NEGR1: variants seen among roughly 807,000 people sequenced by gnomAD.
NEGR1 encodes IgLON family member 4.
NEGR1 carries 10 observed loss-of-function variants against 40.9 expected under a neutral mutation model. The observed-to-expected ratio is 0.24, with a 90% CI of 0.15 to 0.42. The LOEUF is 0.42. Among genes scored for constraint, NEGR1 ranks in the 10% least tolerant of loss-of-function variants. The probability of loss-of-function intolerance (pLI) is 1.00; values close to 1 mark genes in which losing one functional copy is unlikely to be tolerated. For missense variants in NEGR1, 352 were observed against 438.9 expected (o/e 0.80, Z 1.77); for synonymous variants, 185 against 166.8 (o/e 1.11, Z -0.84).
intron 3 of NEGR1, among the ~76,000 whole-genome samples, chr1:71,699,511 T>G (rs1263822411): frequency 6.6e-6 from 1 of 151,902 alleles, no homozygotes; most frequent in Non-Finnish European, 1.5e-5. Flanking sequence ...ACGAAGATAC[T>G]CTAGGCTTAA....
At chr1:72,007,602 G>C (rs1048461030) in intron 1 of NEGR1, among the ~76,000 whole-genome samples, 10 of 152,086 alleles carry the variant, frequency 6.6e-5, no homozygotes, top group Admixed American at 6.6e-4. Flanking sequence ...GTACTGGAAA[G>C]AGTACGAAGA....
chr1:71,916,293 G>A (rs1570498070), intron 2 of NEGR1, among the ~76,000 whole-genome samples: 1 of 152,224 alleles, frequency 6.6e-6, no homozygotes, highest in Non-Finnish European at 1.5e-5. Context: ...AGTATGATGA[G>A]TCTTATCAGA....
chr1:71,859,709 A>T (rs564260266), intron 2 of NEGR1, among the ~76,000 whole-genome samples: 3 of 152,170 alleles, frequency 2.0e-5, no homozygotes, highest in African/African-American at 7.2e-5. Context: ...ACCTCCTGTC[A>T]GCTTCTTGCC....
rs1334640678 is a variant in NEGR1 at position 72,196,339 on chromosome 1, A to G, written c.176+85980T>C. ...CATTTCTGTGCCAAGCATTTCAGAT[A>G]AGAGATTTTCAACATGAATTTGTTT... On this transcript the variant is annotated intron_variant, in intron 1 of 6. Transcript: ENST00000357731. Among the ~76,000 whole-genome samples, 4 of 152,252 alleles carry G rather than the reference A, an allele frequency of 2.6e-5. No individual in the cohort carries two copies. The South Asian group carries it at 6.2e-4, about 24-fold the overall frequency.
intron 4 of NEGR1, among the ~76,000 whole-genome samples, chr1:71,682,186 A>T (rs1461806980): frequency 6.6e-6 from 1 of 151,888 alleles, no homozygotes; most frequent in Non-Finnish European, 1.5e-5. Context: ...CTTTAGTTAT[A>T]TCTAACACAT....
intron 1 of NEGR1, among the ~76,000 whole-genome samples, chr1:72,229,535 A>C (rs1260442623): frequency 1.3e-5 from 2 of 150,002 alleles, no homozygotes; most frequent in African/African-American, 4.9e-5. Context: ...AACAGCATTC[A>C]AGTCTTGGCA....
At chr1:71,515,094 CT>C (rs1305163165) in intron 6 of NEGR1, among the ~76,000 whole-genome samples, 28 of 66,586 alleles carry the variant, frequency 4.2e-4, no homozygotes, top group Non-Finnish European at 5.7e-4. Context: ...AAATCTATGT[CT>C]GACTGGTGTA....
At chr1:71,551,971 C>A (rs547839461) in intron 6 of NEGR1, among the ~76,000 whole-genome samples, 4 of 151,226 alleles carry the variant, frequency 2.6e-5, no homozygotes, top group Non-Finnish European at 4.4e-5. Flanking sequence ...TTTTAGAATA[C>A]GCTATATATT....
At chr1:71,829,960 T>C (rs1232669407) in intron 2 of NEGR1, among the ~76,000 whole-genome samples, 2 of 152,124 alleles carry the variant, frequency 1.3e-5, no homozygotes, top group East Asian at 1.9e-4. Flanking sequence ...CTGGGAATTT[T>C]TTTTCAGTAA....
chr1:72,043,377 C>T (rs567956506), intron 1 of NEGR1, among the ~76,000 whole-genome samples: 1 of 151,864 alleles, frequency 6.6e-6, no homozygotes, highest in South Asian at 2.1e-4. Context: ...GACTGATATA[C>T]TCACCCACTC....
intron 4 of NEGR1, among the ~76,000 whole-genome samples, chr1:71,659,916 G>C (rs1570164028): frequency 6.6e-6 from 1 of 152,146 alleles, no homozygotes; most frequent in Non-Finnish European, 1.5e-5. Flanking sequence ...AAGCAGTATG[G>C]TGATTCCTTA....
At chr1:71,711,269 C>T (rs1480437040) in intron 3 of NEGR1, among the ~76,000 whole-genome samples, 3 of 126,780 alleles carry the variant, frequency 2.4e-5, no homozygotes, top group African/African-American at 5.8e-5. Flanking sequence ...GGCGTGAACC[C>T]GGGGGGCGGA....
intron 1 of NEGR1, among the ~76,000 whole-genome samples, chr1:72,051,978 A>C (rs1647066067): frequency 6.6e-6 from 1 of 151,412 alleles, no homozygotes; most frequent in Non-Finnish European, 1.5e-5. Context: ...TTCAGTAAAA[A>C]AGTTCAAGAG....
At chr1:71,808,017 T>G (rs960949508) in intron 2 of NEGR1, among the ~76,000 whole-genome samples, 6 of 152,182 alleles carry the variant, frequency 3.9e-5, no homozygotes, top group African/African-American at 1.4e-4. Flanking sequence ...TATCATTTAT[T>G]TATGTCAAAC....
Position 71,776,288 on chromosome 1 carries a change from T to C in NEGR1, c.419A>G (p.Lys140Arg). Residue 140 changes from lysine (K) to arginine (R), a missense_variant, in exon 3 of 7, where the codon AAG (lysine) becomes AGG (arginine). Lys to Arg is a conservative substitution (Grantham distance 26). Transcript: ENST00000357731. ...QVHLTVQVPPKIYDISNDMTV... is the reference protein window; with the variant it reads ...QVHLTVQVPPRIYDISNDMTV... Reference sequence around the variant, plus strand: ...CATATCATTTGAGATGTCATATATCTTAGGAGGAACTGAAATGACAAAATA... The same window carrying C: ...CATATCATTTGAGATGTCATATATCCTAGGAGGAACTGAAATGACAAAATA... 1 of 1,582,958 alleles carries C rather than the reference T, an allele frequency of 6.3e-7. No homozygotes were observed. Among genetic ancestry groups the C allele is most frequent in the Non-Finnish European group, 8.6e-7 (1 of 1,161,526 alleles).
chr1:71,828,765 T>C (rs1024061865), intron 2 of NEGR1, among the ~76,000 whole-genome samples: 1 of 151,978 alleles, frequency 6.6e-6, no homozygotes, highest in Admixed American at 6.6e-5. Flanking sequence ...CAGGAGCTGC[T>C]GTTTGTTCTG....
At chr1:71,548,177 T>C (rs996331377) in intron 6 of NEGR1, among the ~76,000 whole-genome samples, 1 of 151,722 alleles carries the variant, frequency 6.6e-6, no homozygotes, top group South Asian at 2.1e-4. Flanking sequence ...AACGGAGATA[T>C]TATGTTTGAT....
chr1:71,755,426 C>T (rs536176492), intron 3 of NEGR1, among the ~76,000 whole-genome samples: 10 of 152,140 alleles, frequency 6.6e-5, no homozygotes, highest in Non-Finnish European at 1.2e-4. Context: ...ACATCATTTA[C>T]GTGCTCCAAA....
At chr1:71,653,692 C>A (rs918517463) in intron 4 of NEGR1, among the ~76,000 whole-genome samples, 1 of 152,178 alleles carries the variant, frequency 6.6e-6, no homozygotes, top group African/African-American at 2.4e-5. Flanking sequence ...ACTATTACTT[C>A]TATGACCATC....
Sources: gnomAD v4.1 joint callset for allele counts (sites outside exome capture counted in the v4.1 genomes callset) on GRCh38, gnomAD v4.1.1 for gene constraint, MANE v1.5 for transcripts, NCBI Gene and HGNC (gene_info 2026-07-23, HGNC 2026-07-21) for gene names.